Variants in LIX1 observed in about 807,000 individuals in gnomAD.
The protein encoded by LIX1 is limb and CNS expressed 1, also known as protein limb expression 1 homolog.
In LIX1, 24 loss-of-function variants were observed where a neutral mutation model predicts 33.4. The observed-to-expected ratio is 0.72, with a 90% CI of 0.52 to 1.01. LIX1 has a LOEUF of 1.01. Among genes scored for constraint, LIX1 ranks in the 50% least tolerant of loss-of-function variants. The pLI, the probability that LIX1 is intolerant of heterozygous loss-of-function variation, is 0.00. For missense variants in LIX1, 311 were observed against 339.2 expected (o/e 0.92, Z 0.65); for synonymous variants, 124 against 124.0 (o/e 1.00, Z 0.00).
At chr5:97,138,061 A>G (rs1382714456) in intron 1 of LIX1, among the ~76,000 whole-genome samples, 1 of 152,240 alleles carries the variant, frequency 6.6e-6, no homozygotes, top group Non-Finnish European at 1.5e-5. Flanking sequence ...TGATATAAAT[A>G]AAACCTTTCA....
chr5:97,129,516 C>A (rs774545878), intron 1 of LIX1, among the ~76,000 whole-genome samples: 2 of 152,024 alleles, frequency 1.3e-5, no homozygotes, highest in East Asian at 3.9e-4. Flanking sequence ...CCTTACAGCA[C>A]CCCCTTGAAA....
chr5:97,121,656 A>C (rs1285439183), intron 2 of LIX1, among the ~76,000 whole-genome samples: 1 of 151,918 alleles, frequency 6.6e-6, no homozygotes, highest in African/African-American at 2.4e-5. Context: ...ATCCTTTCAA[A>C]ATTTTCTGAG....
At chr5:97,132,454 C>T (rs1216717525) in intron 1 of LIX1, among the ~76,000 whole-genome samples, 2 of 152,002 alleles carry the variant, frequency 1.3e-5, no homozygotes, top group Non-Finnish European at 2.9e-5. Flanking sequence ...GAGCCCTTCT[C>T]AGAGGAATGA....
intron 2 of LIX1, among the ~76,000 whole-genome samples, chr5:97,108,289 G>C (rs1747177290): frequency 6.6e-6 from 1 of 152,084 alleles, no homozygotes; most frequent in South Asian, 2.1e-4. Flanking sequence ...GGTTTTGCTG[G>C]GACATACTGC....
intron 2 of LIX1, among the ~76,000 whole-genome samples, chr5:97,108,278 C>T (rs939556055): frequency 2.0e-5 from 3 of 152,166 alleles, no homozygotes; most frequent in Non-Finnish European, 2.9e-5. Flanking sequence ...TCAATCCATG[C>T]GGTTTTGCTG....
intron 1 of LIX1, chr5:97,137,050 C>T (rs1748187168): frequency 3.1e-5 from 13 of 418,100 alleles, no homozygotes; most frequent in South Asian, 2.2e-4. Flanking sequence ...ATCTGTAGCA[C>T]ATAATCAGTA....
intron 4 of LIX1, chr5:97,102,125 A>T (rs1186822817): frequency 2.0e-5 from 3 of 151,986 alleles, no homozygotes; most frequent in Non-Finnish European, 4.4e-5. Context: ...CCCTCCCACG[A>T]AGTGAAGGTA....
chr5:97,107,510 G>A lies in LIX1; in HGVS notation c.247-10C>T. On this transcript the variant is annotated splice_polypyrimidine_tract_variant and intron_variant, in intron 2 of 5. Transcript: ENST00000274382. ...CTCTACTTAAGCAGCACTTGAGAAG[G>A]GAGGGAGAAAAGGAGTCATTTGAGA... 1.2e-6 allele frequency: 2 copies of A among 1,613,528 alleles called. No individual in the cohort carries two copies. The highest frequency in any genetic ancestry group is 1.7e-6 in the Non-Finnish European group (2 of 1,179,700).
intron 1 of LIX1, among the ~76,000 whole-genome samples, chr5:97,132,513 G>A (rs1385684405): frequency 6.6e-6 from 1 of 152,156 alleles, no homozygotes; most frequent in East Asian, 1.9e-4. Flanking sequence ...TACTCCCATT[G>A]AGGAACTGTG....
At chr5:97,122,717 A>T (rs1747814347) in intron 2 of LIX1, among the ~76,000 whole-genome samples, 1 of 152,130 alleles carries the variant, frequency 6.6e-6, no homozygotes, top group African/African-American at 2.4e-5. Flanking sequence ...TGCCAGTTTG[A>T]CCAGAACATG....
rs186579456 is a variant in LIX1 at position 97,121,997 on chromosome 5, T to C, written c.246+2469A>G. On this transcript the variant is annotated intron_variant, in intron 2 of 5. Transcript: ENST00000274382. ...ACAAGTGGGTTGGAGAGCCTCTTCCTCAATGGCTGCCTTTCTTTCCCCTTC... is the reference window on the plus strand; with the variant it reads ...ACAAGTGGGTTGGAGAGCCTCTTCCCCAATGGCTGCCTTTCTTTCCCCTTC... Among the ~76,000 whole-genome samples, 129 of 152,290 alleles carry C rather than the reference T, an allele frequency of 8.5e-4. 1 individual carries two copies. The highest frequency in any genetic ancestry group is 6.3e-3 in the Admixed American group (97 of 15,286).
Position 97,113,967 on chromosome 5 carries a change from C to T in LIX1, c.247-6467G>A, listed in dbSNP as rs555448787. Among the ~76,000 whole-genome samples the T allele has an allele frequency of 2.6e-5, 4 of 152,292 alleles. No homozygotes were observed. In the South Asian group the frequency reaches 8.3e-4, roughly 32 times the overall value. On this transcript the variant is annotated intron_variant, in intron 2 of 5. Coordinates refer to ENST00000274382, the MANE Select transcript of LIX1 (RefSeq NM_153234.5). ...ATGCTGACATTATCTCAATTTCCTC[C>T]TCCCTCCTGTTGTTCTCCTTTGGAT...
intron 4 of LIX1, among the ~76,000 whole-genome samples, chr5:97,097,256 T>TG (rs1746428930): frequency 6.6e-6 from 1 of 152,228 alleles, no homozygotes; most frequent in African/African-American, 2.4e-5. Context: ...TTTTTAAAAT[T>TG]GCTCGAGACT....
At chr5:97,141,210 C>T (rs1206464589) in intron 1 of LIX1, among the ~76,000 whole-genome samples, 4 of 152,042 alleles carry the variant, frequency 2.6e-5, no homozygotes, top group Non-Finnish European at 5.9e-5. Flanking sequence ...CTTGGGCAGC[C>T]CGAGAGCCCT....
intron 2 of LIX1, among the ~76,000 whole-genome samples, chr5:97,112,454 C>T (rs532967484): frequency 1.3e-5 from 2 of 152,334 alleles, no homozygotes; most frequent in South Asian, 4.1e-4. Context: ...TAGAGTTAGA[C>T]TTCCCAGGTT....
At chr5:97,125,975 C>T (rs1001523889) in intron 1 of LIX1, among the ~76,000 whole-genome samples, 2 of 152,176 alleles carry the variant, frequency 1.3e-5, no homozygotes, top group Non-Finnish European at 2.9e-5. Flanking sequence ...TGGAGGAGGG[C>T]TAAGTTTTGA....
chr5:97,134,830 T>C (rs1335352187), intron 1 of LIX1, among the ~76,000 whole-genome samples: 5 of 152,226 alleles, frequency 3.3e-5, no homozygotes, highest in Non-Finnish European at 7.3e-5. Flanking sequence ...ACACACAGGG[T>C]ACAACATGTA....
intron 1 of LIX1, among the ~76,000 whole-genome samples, chr5:97,135,086 T>A (rs1160856641): frequency 6.6e-6 from 1 of 152,238 alleles, no homozygotes; most frequent in African/African-American, 2.4e-5. Context: ...GAGGAAATTA[T>A]GATCCTTCAG....
At chr5:97,139,502 CA>C (rs1748240792) in intron 1 of LIX1, among the ~76,000 whole-genome samples, 2 of 152,332 alleles carry the variant, frequency 1.3e-5, no homozygotes, top group South Asian at 4.1e-4. Context: ...AAAGAGTGGA[CA>C]GGGGCTGCTT....
Sources: gnomAD v4.1 joint callset for allele counts (sites outside exome capture counted in the v4.1 genomes callset) on GRCh38, gnomAD v4.1.1 for gene constraint, MANE v1.5 for transcripts, NCBI Gene and HGNC (gene_info 2026-07-23, HGNC 2026-07-21) for gene names.